Variants in SEPTIN9 observed in about 807,000 individuals in gnomAD.
SEPTIN9 encodes septin 9, also known as septin-9.
Under a neutral mutation model 56.6 loss-of-function variants are expected in SEPTIN9, and 13 were observed. The observed-to-expected ratio is 0.23, with a 90% CI of 0.15 to 0.37. The LOEUF is 0.37. SEPTIN9 is among the 10% of genes least tolerant of loss of function. The pLI is 1.00. For missense variants in SEPTIN9, 650 were observed against 823.1 expected (o/e 0.79, Z 2.57); for synonymous variants, 332 against 334.1 (o/e 0.99, Z 0.07).
chr17:77,333,392 C>A (rs1236612040), intron 2 of SEPTIN9, among the ~76,000 whole-genome samples: 1 of 152,070 alleles, frequency 6.6e-6, no homozygotes, highest in Non-Finnish European at 1.5e-5. Flanking sequence ...CTTGCCTGTT[C>A]ATTTTCTTTC....
chr17:77,352,209 A>G (rs1386229254), intron 2 of SEPTIN9, among the ~76,000 whole-genome samples: 1 of 151,178 alleles, frequency 6.6e-6, no homozygotes, highest in African/African-American at 2.4e-5. Flanking sequence ...CATCCTGGCT[A>G]ACATGGTGAA....
intron 2 of SEPTIN9, among the ~76,000 whole-genome samples, chr17:77,331,839 G>C (rs752729647): frequency 3.3e-5 from 5 of 152,248 alleles, no homozygotes; most frequent in Admixed American, 1.3e-4. Flanking sequence ...GGCGGGGAAA[G>C]GGAGGGTTGG....
chr17:77,479,408 G>T (rs2039356054), intron 3 of SEPTIN9, among the ~76,000 whole-genome samples: 1 of 152,238 alleles, frequency 6.6e-6, no homozygotes, highest in Non-Finnish European at 1.5e-5. Flanking sequence ...GAGCGAGGCG[G>T]GCTCTTGCAT....
intron 3 of SEPTIN9, among the ~76,000 whole-genome samples, chr17:77,413,154 G>A (rs576175470): frequency 6.6e-6 from 1 of 151,650 alleles, no homozygotes; most frequent in South Asian, 2.1e-4. Context: ...TCTGCATTGT[G>A]CTGGCTTAGC....
chr17:77,320,679 C>G lies in SEPTIN9; in HGVS notation c.76+13482C>G, dbSNP rs189395605. ...GGGAGGGTGTGGGGGACCTGCCCCCCTGGCTCGGGTCTGGGGCGGCGGCGC... is the reference window on the plus strand; with the variant it reads ...GGGAGGGTGTGGGGGACCTGCCCCCGTGGCTCGGGTCTGGGGCGGCGGCGC... On this transcript the variant is annotated intron_variant, in intron 2 of 11. Transcript: ENST00000427177. 5.3e-3 allele frequency among the ~76,000 whole-genome samples: 800 copies of G among 152,334 alleles called. 11 individuals carry two copies. The highest frequency in any genetic ancestry group is 0.017 in the African/African-American group (721 of 41,576).
At chr17:77,299,176 T>TA (rs1436709873) in intron 1 of SEPTIN9, among the ~76,000 whole-genome samples, 1 of 152,252 alleles carries the variant, frequency 6.6e-6, no homozygotes, top group African/African-American at 2.4e-5. Flanking sequence ...TCAGTGTTTT[T>TA]ATCTCCCTCC....
At chr17:77,486,495 T>G (rs2039786956) in intron 4 of SEPTIN9, among the ~76,000 whole-genome samples, 1 of 95,208 alleles carries the variant, frequency 1.1e-5, no homozygotes, top group African/African-American at 6.4e-5. Context: ...GGGGTGTGTG[T>G]GTGTGTGTGT....
At chr17:77,291,692 G>A (rs2031564912) in intron 1 of SEPTIN9, among the ~76,000 whole-genome samples, 1 of 152,052 alleles carries the variant, frequency 6.6e-6, no homozygotes. Context: ...TGCCTAGGCT[G>A]GTACTGAATT....
At chr17:77,485,905 C>A (rs1458533315) in intron 4 of SEPTIN9, among the ~76,000 whole-genome samples, 1 of 151,920 alleles carries the variant, frequency 6.6e-6, no homozygotes, top group Non-Finnish European at 1.5e-5. Context: ...GTGGCATGGT[C>A]TTGACTCACT....
rs1353815073 is a variant in SEPTIN9 at position 77,492,536 on chromosome 17, C to G, written c.1381-85C>G. The G allele has an allele frequency of 2.5e-6, 3 of 1,219,498 alleles. No homozygotes were observed. The African/African-American group carries it at 4.5e-5, about 18-fold the overall frequency. The allele number at this position is 1,219,498 out of a possible 1,614,324, so 75.5% of individuals were successfully genotyped here. On this transcript the variant is annotated intron_variant, in intron 8 of 11. Transcript: ENST00000427177. This position sits in a 1 kb window ranked among gnomAD's most constrained non-coding sequence, Gnocchi z 5.4. ...TTGAACCCGAGCCTGGGGCAGCACA[C>G]AGTGTGGAGGTCATGTGGCAAACAC...
chr17:77,399,779 C>T (rs1007677935), intron 2 of SEPTIN9, among the ~76,000 whole-genome samples: 4 of 152,080 alleles, frequency 2.6e-5, no homozygotes, highest in African/African-American at 9.7e-5. Flanking sequence ...AGAATCAGAA[C>T]ACAGCCAGCA....
At chr17:77,321,157 C>A (rs372768312) in intron 2 of SEPTIN9, among the ~76,000 whole-genome samples, 1 of 152,198 alleles carries the variant, frequency 6.6e-6, no homozygotes, top group African/African-American at 2.4e-5. Flanking sequence ...CTGAGCCCAG[C>A]GCTGGGAGAC....
At chr17:77,288,047 C>G in intron 1 of SEPTIN9, 1 of 1,062,796 alleles carries the variant, frequency 9.4e-7, no homozygotes, top group Non-Finnish European at 1.1e-6. Context: ...GTGTGGGTCC[C>G]CAGAAGTGCT....
At chr17:77,398,426 G>A (rs2035794432) in intron 2 of SEPTIN9, among the ~76,000 whole-genome samples, 4 of 152,178 alleles carry the variant, frequency 2.6e-5, no homozygotes, top group South Asian at 2.1e-4. Context: ...GGAGGGGGTG[G>A]TGTGGACTGT....
intron 1 of SEPTIN9, among the ~76,000 whole-genome samples, chr17:77,285,252 C>T (rs981062775): frequency 2.6e-5 from 4 of 152,096 alleles, no homozygotes; most frequent in African/African-American, 9.7e-5. Flanking sequence ...TCACATGGAA[C>T]TTGCCGTCAT....
Position 77,434,675 on chromosome 17 carries a change from G to A in SEPTIN9, c.721+31972G>A, listed in dbSNP as rs149757811. Among the ~76,000 whole-genome samples the A allele has an allele frequency of 8.5e-5, 13 of 152,304 alleles. No individual in the cohort carries two copies. Among genetic ancestry groups the A allele is most frequent in the African/African-American group, 2.9e-4 (12 of 41,570 alleles). Reference sequence around the variant, plus strand: ...ATTTGTGGGCACCCCCGCCCCAGACGTGAGGGTTGGCATCTTCTCTTGCAC... The same window carrying A: ...ATTTGTGGGCACCCCCGCCCCAGACATGAGGGTTGGCATCTTCTCTTGCAC... On this transcript the variant is annotated intron_variant, in intron 3 of 11. Transcript: ENST00000427177. This position sits in a 1 kb window ranked among gnomAD's most constrained non-coding sequence, Gnocchi z 5.0.
intron 10 of SEPTIN9, among the ~76,000 whole-genome samples, chr17:77,495,533 C>A (rs867991749): frequency 1.3e-5 from 2 of 152,226 alleles, no homozygotes; most frequent in South Asian, 4.1e-4. Flanking sequence ...ATTTAATCCT[C>A]ATGTCCCTGA....
In SEPTIN9 at chr17:77,402,597, C is replaced by G; in HGVS notation, c.615C>G (p.Ala205=). 1 of 1,612,646 alleles carries G rather than the reference C, an allele frequency of 6.2e-7. No homozygotes were observed. The highest frequency in any genetic ancestry group is 8.5e-7 in the Non-Finnish European group (1 of 1,179,540). ...AGGCGCCCACCGCCCCCAGCCCAGC[C>G]CAGACCTTGGAGAATTCAGAGCCTG... The part of the protein sequence containing the change: ...PAEAPTAPSP[A]QTLENSEPAP... Residue 205 remains alanine, a synonymous_variant, in exon 3 of 12, where the codon GCC becomes GCG. Transcript: ENST00000427177. This position sits in a 1 kb window ranked among gnomAD's most constrained non-coding sequence, Gnocchi z 6.6.
chr17:77,346,843 A>C (rs2033908615), intron 2 of SEPTIN9, among the ~76,000 whole-genome samples: 1 of 152,144 alleles, frequency 6.6e-6, no homozygotes, highest in African/African-American at 2.4e-5. Context: ...TTGGGGCATC[A>C]GGGAAGTATT....
Sources: gnomAD v4.1 joint callset for allele counts (sites outside exome capture counted in the v4.1 genomes callset) on GRCh38, gnomAD v4.1.1 for gene constraint, Gnocchi (gnomAD v3.1) non-coding constraint, MANE v1.5 for transcripts, NCBI Gene and HGNC (gene_info 2026-07-23, HGNC 2026-07-21) for gene names.